Variants in PREPL observed in about 807,000 individuals in gnomAD.
PREPL encodes prolyl endopeptidase-like.
In PREPL, 77 loss-of-function variants were observed where a neutral mutation model predicts 70.6. That is an observed-to-expected ratio of 1.09 (90% CI 0.91 to 1.32). The LOEUF (loss-of-function observed/expected upper bound fraction) is 1.32, where lower values mean the gene tolerates loss of function less well. Among genes scored for constraint, PREPL ranks in the 40% most tolerant of loss-of-function variants. The probability of loss-of-function intolerance (pLI) is 0.00; values close to 1 mark genes in which losing one functional copy is unlikely to be tolerated. For synonymous variants in PREPL, 315 were observed against 264.8 expected, an observed-to-expected ratio of 1.19 and a Z score of -1.84; for missense variants, 1,002 against 778.2, an observed-to-expected ratio of 1.29 and a Z score of -3.42.
chr2:44,343,309 G>A (rs538946986), intron 4 of PREPL, among the ~76,000 whole-genome samples: 4 of 152,142 alleles, frequency 2.6e-5, no homozygotes, highest in Admixed American at 2.0e-4. Context: ...AGCTTCCATT[G>A]ATAAACAGGT....
Position 44,318,561 on chromosome 2 carries a change from CAT to C in PREPL, c.*2793_*2794del, listed in dbSNP as rs1387741861. 10 of 152,330 alleles carry C rather than the reference CAT, an allele frequency of 6.6e-5. No homozygotes were observed. Among genetic ancestry groups the C allele is most frequent in the Non-Finnish European group, 1.3e-4 (9 of 68,408 alleles). The allele number at this position is 152,330 out of a possible 1,614,324, so 9.4% of individuals were successfully genotyped here. A position where few individuals can be genotyped will look rare whatever the true frequency, so the allele number is the denominator to read the frequency against. On this transcript the variant is annotated 3_prime_UTR_variant, in exon 14 of 14. Coordinates refer to ENST00000409411, the MANE Select transcript of PREPL (RefSeq NM_001171613.2). ...TATTCAATAAAGTATAGAATGGTAA[CAT>C]ATCACCAACTGTGTAAAGAAAAATA...
Position 44,318,095 on chromosome 2 carries a change from G to GTTT in PREPL, c.*3258_*3260dup. The GTTT allele has an allele frequency of 2.6e-4, 105 of 396,336 alleles. No homozygotes were observed. The highest frequency in any genetic ancestry group is 1.1e-3 in the East Asian group (14 of 12,208). The allele number at this position is 396,336 out of a possible 1,614,324, so 24.6% of individuals were successfully genotyped here. ...ATAATACTTAAAGGATCTCAACACTGTTTTTTTTTTTTTTTGAGACAGTCT... is the reference window on the plus strand; with the variant it reads ...ATAATACTTAAAGGATCTCAACACTGTTTTTTTTTTTTTTTTTTGAGACAGTCT... On this transcript the variant is annotated 3_prime_UTR_variant, in exon 14 of 14. Coordinates refer to ENST00000409411, the MANE Select transcript of PREPL (RefSeq NM_001171613.2).
chr2:44,331,215 T>C (rs1674050728), intron 8 of PREPL, among the ~76,000 whole-genome samples: 2 of 152,262 alleles, frequency 1.3e-5, no homozygotes, highest in Non-Finnish European at 2.9e-5. Context: ...AGTGTTGGGA[T>C]TACAAGTTTG....
chr2:44,342,676 C>G lies in PREPL; in HGVS notation c.350-124G>C, dbSNP rs2103971576. The G allele has an allele frequency of 3.8e-6, 3 of 780,356 alleles. No homozygotes were observed. The East Asian group carries it at 7.8e-5, about 20-fold the overall frequency. 48.3% of individuals were successfully genotyped at this position (780,356 alleles called of 1,614,324 possible). A position where few individuals can be genotyped will look rare whatever the true frequency, so the allele number is the denominator to read the frequency against. Reference sequence around the variant, plus strand: ...CATGTGCAAGTTTATCCCTGGAAATCTAAATATTTGACTGTATCTAATCTG... The same window carrying G: ...CATGTGCAAGTTTATCCCTGGAAATGTAAATATTTGACTGTATCTAATCTG... On this transcript the variant is annotated intron_variant, in intron 4 of 13. Transcript: ENST00000409411.
At chr2:44,356,294 C>G (rs1209352300) in intron 1 of PREPL, 2 of 152,274 alleles carry the variant, frequency 1.3e-5, no homozygotes, top group Non-Finnish European at 2.9e-5. Context: ...GTAATCCCAG[C>G]ACTTTGGGAG....
In PREPL at chr2:44,328,438, CA is replaced by C. The variant is rs1194898905; in HGVS notation, c.1262+498del. 8.6e-3 allele frequency among the ~76,000 whole-genome samples: 524 copies of C among 61,188 alleles called. 1 individual carries two copies. The highest frequency in any genetic ancestry group is 0.028 in the African/African-American group (443 of 15,736). The allele number at this position is 61,188 out of a possible 152,430, so 40.1% of individuals were successfully genotyped here. A position where few individuals can be genotyped will look rare whatever the true frequency, so the allele number is the denominator to read the frequency against. On this transcript the variant is annotated intron_variant, in intron 9 of 13. Coordinates refer to ENST00000409411, the MANE Select transcript of PREPL (RefSeq NM_001171613.2). ...GGCGACAAAGCAAAACTGTCTCAAA[CA>C]AAAAAAAAAAAAAAAAAAAAAAAAG...
intron 12 of PREPL, among the ~76,000 whole-genome samples, chr2:44,322,360 T>C (rs539685734): frequency 1.3e-5 from 2 of 152,310 alleles, no homozygotes; most frequent in East Asian, 3.9e-4. Context: ...TGGGCACTGA[T>C]GGCCCAAAAC....
At chr2:44,349,234 T>C (rs1676142541) in intron 1 of PREPL, among the ~76,000 whole-genome samples, 2 of 152,158 alleles carry the variant, frequency 1.3e-5, no homozygotes, top group African/African-American at 4.8e-5. Flanking sequence ...AGCCCTTCAG[T>C]CAAGACTAAT....
chr2:44,320,144 T>G lies in PREPL; in HGVS notation c.*1212A>C, dbSNP rs1035066308. 1 of 1,453,062 alleles carries G rather than the reference T, an allele frequency of 6.9e-7. No individual in the cohort carries two copies. The highest frequency in any genetic ancestry group is 1.4e-5 in the African/African-American group (1 of 70,790). 90.0% of individuals were successfully genotyped at this position (1,453,062 alleles called of 1,614,324 possible). On this transcript the variant is annotated 3_prime_UTR_variant, in exon 14 of 14. Transcript: ENST00000409411. Reference sequence around the variant, plus strand: ...ACTCCTTACAATATATTAAAAATACTTACAAACAATTCTTAGAATCAAACA... The same window carrying G: ...ACTCCTTACAATATATTAAAAATACGTACAAACAATTCTTAGAATCAAACA...
chr2:44,355,051 A>AT (rs1214367986), intron 1 of PREPL, among the ~76,000 whole-genome samples: 1 of 152,218 alleles, frequency 6.6e-6, no homozygotes, highest in African/African-American at 2.4e-5. Context: ...ATGCAGTAAC[A>AT]TTTTAGAGCT....
Position 44,319,067 on chromosome 2 carries a change from G to A in PREPL, c.*2289C>T, listed in dbSNP as rs150460008. 8.1e-4 allele frequency: 123 copies of A among 152,514 alleles called. No homozygotes were observed. The highest frequency in any genetic ancestry group is 2.8e-3 in the African/African-American group (115 of 41,556). 9.4% of individuals were successfully genotyped at this position (152,514 alleles called of 1,614,324 possible). ...CTTTCATGCATTACCTAAGGCTAGA[G>A]AAAATGTTAATAACTTAGACAAGTC... On this transcript the variant is annotated 3_prime_UTR_variant, in exon 14 of 14. Coordinates refer to ENST00000409411, the MANE Select transcript of PREPL (RefSeq NM_001171613.2).
chr2:44,360,932 C>A (rs1206132405), intron 1 of PREPL, among the ~76,000 whole-genome samples: 2 of 152,082 alleles, frequency 1.3e-5, no homozygotes, highest in Non-Finnish European at 2.9e-5. Context: ...AGATGCGCTA[C>A]GACGCCCCCG....
intron 10 of PREPL, among the ~76,000 whole-genome samples, chr2:44,323,684 T>C (rs1168537102): frequency 1.3e-5 from 2 of 152,218 alleles, no homozygotes; most frequent in African/African-American, 4.8e-5. Context: ...CTTTTATTCA[T>C]TTATATTTTT....
chr2:44,330,544 G>C (rs1673986031), intron 8 of PREPL, among the ~76,000 whole-genome samples: 1 of 152,164 alleles, frequency 6.6e-6, no homozygotes, highest in South Asian at 2.1e-4. Flanking sequence ...CTGAGAAGTA[G>C]TCATTTAAGA....
At chr2:44,338,209 G>T in intron 7 of PREPL, 142 bp downstream of exon 7, 2 of 784,700 alleles carry the variant, frequency 2.5e-6, no homozygotes, top group Non-Finnish European at 4.0e-6. Flanking sequence ...AAACCCAAGA[G>T]TGACTTTGCT....
intron 5 of PREPL, among the ~76,000 whole-genome samples, chr2:44,340,739 C>G (rs1394209074): frequency 6.6e-6 from 1 of 151,958 alleles, no homozygotes; most frequent in African/African-American, 2.4e-5. Flanking sequence ...ACCACCCTGG[C>G]CAACATGGTG....
In PREPL at chr2:44,318,648, A is replaced by G. The variant is rs1019568966; in HGVS notation, c.*2708T>C. 2.0e-5 allele frequency: 3 copies of G among 152,240 alleles called. No individual in the cohort carries two copies. The highest frequency in any genetic ancestry group is 7.2e-5 in the African/African-American group (3 of 41,440). The allele number at this position is 152,240 out of a possible 1,614,324, so 9.4% of individuals were successfully genotyped here. On this transcript the variant is annotated 3_prime_UTR_variant, in exon 14 of 14. Coordinates refer to ENST00000409411, the MANE Select transcript of PREPL (RefSeq NM_001171613.2). ...GCAAACATATGATACATTAAAAACA[A>G]AAGAACATATAGTGCCTGTCTCTGA...
At chr2:44,356,076 G>T (rs932967770) in intron 1 of PREPL, among the ~76,000 whole-genome samples, 3 of 152,090 alleles carry the variant, frequency 2.0e-5, no homozygotes, top group Non-Finnish European at 4.4e-5. Flanking sequence ...CTTGCCATCT[G>T]GCTAATGTAA....
At chr2:44,354,075 G>C (rs937219679) in intron 1 of PREPL, among the ~76,000 whole-genome samples, 2 of 152,052 alleles carry the variant, frequency 1.3e-5, no homozygotes, top group Non-Finnish European at 2.9e-5. Flanking sequence ...AAGACAGCAC[G>C]AGCCCAGGAG....
Sources: allele counts gnomAD v4.1 joint callset (sites outside exome capture counted in the v4.1 genomes callset), GRCh38; gene constraint gnomAD v4.1.1; transcripts MANE v1.5; gene names NCBI Gene and HGNC (gene_info 2026-07-23, HGNC 2026-07-21).